CLASP2: variants seen among roughly 807,000 people sequenced by gnomAD.
CLASP2 encodes cytoplasmic linker associated protein 2, also known as CLIP-associating protein 2.
In CLASP2, 47 loss-of-function variants were observed where a neutral mutation model predicts 194.4. That is an observed-to-expected ratio of 0.24 (90% CI 0.19 to 0.31). The LOEUF is 0.31. CLASP2 is among the 10% of genes least tolerant of loss of function. The pLI is 1.00. For synonymous variants in CLASP2, 619 were observed against 633.5 expected, an observed-to-expected ratio of 0.98 and a Z score of 0.34; for missense variants, 1,445 against 1,823.6, an observed-to-expected ratio of 0.79 and a Z score of 3.78.
intron 10 of CLASP2, among the ~76,000 whole-genome samples, chr3:33,623,260 C>T (rs567902714): frequency 5.3e-4 from 81 of 152,210 alleles, no homozygotes; most frequent in African/African-American, 1.8e-3. Flanking sequence ...CAGTTCTTTC[C>T]GTTAGGAACA....
intron 24 of CLASP2, 76 bp downstream of exon 24, chr3:33,576,093 A>G: frequency 8.8e-7 from 1 of 1,137,330 alleles, no homozygotes; most frequent in Non-Finnish European, 1.3e-6. Context: ...CCTTTCCCAC[A>G]TGGATAGACT....
At chr3:33,683,931 CAA>C (rs35349805) in intron 6 of CLASP2, among the ~76,000 whole-genome samples, 477 of 78,860 alleles carry the variant, frequency 6.0e-3, no homozygotes, top group African/African-American at 0.02. Flanking sequence ...GACTCTGTCT[CAA>C]AAAAAAAAAA....
chr3:33,552,116 ATTTTTTT>A (rs760891395), intron 29 of CLASP2, among the ~76,000 whole-genome samples: 1 of 135,242 alleles, frequency 7.4e-6, no homozygotes, highest in South Asian at 2.3e-4. Flanking sequence ...TGGGTTTATA[ATTTTTTT>A]TTTTTTTTTT....
rs143882676 is a variant in CLASP2, at chr3:33,579,956, C to T, written c.2347+1865G>A. On this transcript the variant is annotated intron_variant, in intron 23 of 38. Transcript: ENST00000682230. ...AATGTATATCCATGAGGATGCACCA[C>T]GTATATGTGCATGCGCATGCACATG... Among the ~76,000 whole-genome samples, 99 of 152,332 alleles carry T rather than the reference C, an allele frequency of 6.5e-4. 1 individual carries two copies. Among genetic ancestry groups the T allele is most frequent in the Admixed American group, 1.7e-3 (26 of 15,306 alleles).
At chr3:33,717,678 G>T in intron 1 of CLASP2, 130 bp downstream of exon 1, 2 of 975,334 alleles carry the variant, frequency 2.1e-6, no homozygotes, top group Non-Finnish European at 3.0e-6. Context: ...GCCCGCCTGT[G>T]CTTCCCAAAG....
intron 30 of CLASP2, among the ~76,000 whole-genome samples, chr3:33,548,570 C>G (rs1176633330): frequency 1.3e-5 from 2 of 152,156 alleles, no homozygotes; most frequent in African/African-American, 4.8e-5. Flanking sequence ...GCTGGAATTA[C>G]AGGCGTTAGC....
chr3:33,634,506 T>C (rs916657777), intron 8 of CLASP2, among the ~76,000 whole-genome samples: 1 of 152,220 alleles, frequency 6.6e-6, no homozygotes, highest in Admixed American at 6.5e-5. Flanking sequence ...GCCTGCCAGA[T>C]GCAGTTTCTC....
At chr3:33,563,186 G>T (rs1000128500) in intron 27 of CLASP2, among the ~76,000 whole-genome samples, 3 of 152,006 alleles carry the variant, frequency 2.0e-5, no homozygotes, top group Admixed American at 2.0e-4. Context: ...CCATCCTATT[G>T]CTCCCACCAA....
At chr3:33,655,019 T>G (rs1242498475) in intron 7 of CLASP2, among the ~76,000 whole-genome samples, 1 of 152,158 alleles carries the variant, frequency 6.6e-6, no homozygotes, top group African/African-American at 2.4e-5. Context: ...TTATTTGGTA[T>G]TAATGAAATT....
intron 27 of CLASP2, among the ~76,000 whole-genome samples, chr3:33,566,003 A>G (rs1346630640): frequency 6.6e-6 from 1 of 152,102 alleles, no homozygotes. Flanking sequence ...TCATTGTTCA[A>G]GGGTCAACTG....
intron 31 of CLASP2, 31 bp from the exon 32 acceptor site, chr3:33,543,570 T>G (rs775297681): frequency 4.5e-6 from 6 of 1,339,632 alleles, no homozygotes; most frequent in Non-Finnish European, 5.4e-6. Context: ...AATATTAACA[T>G]ATTACAGGTA....
At chr3:33,526,115 G>T (rs2054495355) in intron 34 of CLASP2, among the ~76,000 whole-genome samples, 1 of 151,832 alleles carries the variant, frequency 6.6e-6, no homozygotes, top group Non-Finnish European at 1.5e-5. Context: ...TGGGATTACA[G>T]GTGTGCACCA....
chr3:33,581,797 C>T (rs768295585), intron 23 of CLASP2, 24 bp downstream of exon 23: 1 of 1,549,024 alleles, frequency 6.5e-7, no homozygotes, highest in East Asian at 2.2e-5. Flanking sequence ...AAGCAATGCA[C>T]ATAACACCTG....
At chr3:33,644,034 T>C (rs937802521) in intron 8 of CLASP2, among the ~76,000 whole-genome samples, 2 of 151,992 alleles carry the variant, frequency 1.3e-5, no homozygotes, top group African/African-American at 4.8e-5. Context: ...TACCCTTATT[T>C]TCACAGATTC....
intron 9 of CLASP2, among the ~76,000 whole-genome samples, chr3:33,630,364 CA>C (rs2078852943): frequency 6.6e-6 from 1 of 152,076 alleles, no homozygotes; most frequent in Admixed American, 6.6e-5. Context: ...CAAACCTAGG[CA>C]GCACTGGAAT....
chr3:33,627,109 A>G (rs776193191), intron 9 of CLASP2, 29 bp from the exon 10 acceptor site: 1 of 1,287,474 alleles, frequency 7.8e-7, no homozygotes, highest in East Asian at 2.5e-5. Flanking sequence ...AATTATAACA[A>G]TGTTTCTTGC....
In CLASP2 at chr3:33,519,541, C is replaced by G. The variant is rs184371410; in HGVS notation, c.3788-2367G>C. ...GAGGAGAATAAAAGAAAAATCAGAA[C>G]AGAAATAGAGAACAATTTAAAAAAG... On this transcript the variant is annotated intron_variant, in intron 34 of 38. Transcript: ENST00000682230. Among the ~76,000 whole-genome samples, 11 of 151,928 alleles carry G rather than the reference C, an allele frequency of 7.2e-5. No homozygotes were observed. The South Asian group carries it at 1.5e-3, about 20-fold the overall frequency.
intron 34 of CLASP2, among the ~76,000 whole-genome samples, chr3:33,521,127 A>C (rs987770537): frequency 6.6e-6 from 1 of 152,188 alleles, no homozygotes; most frequent in African/African-American, 2.4e-5. Context: ...TTGAGCTTCA[A>C]AATAAATAAA....
chr3:33,638,102 A>G (rs187155721), intron 8 of CLASP2, among the ~76,000 whole-genome samples: 35 of 152,302 alleles, frequency 2.3e-4, no homozygotes, highest in Admixed American at 1.4e-3. Flanking sequence ...TTTTATCAGT[A>G]TGTTTAATAT....
Sources: allele counts gnomAD v4.1 joint callset (sites outside exome capture counted in the v4.1 genomes callset), GRCh38; gene constraint gnomAD v4.1.1; transcripts MANE v1.5; gene names NCBI Gene and HGNC (gene_info 2026-07-23, HGNC 2026-07-21).